The following MELK variants were observed in gnomAD, a reference collection of about 807,000 sequenced individuals.
MELK encodes maternal embryonic leucine zipper kinase, also known as pEg3 kinase.
A neutral mutation model predicts 85.0 loss-of-function variants in MELK; 81 were observed. That is an observed-to-expected ratio of 0.95 (90% confidence interval 0.80 to 1.15). The LOEUF (loss-of-function observed/expected upper bound fraction) is 1.15. Ranked by LOEUF, MELK falls within the 50% of genes most tolerant of loss-of-function variation. The pLI is 0.00. For missense variants in MELK, 754 were observed against 777.5 expected (o/e 0.97, Z 0.36); for synonymous variants, 252 against 265.0 (o/e 0.95, Z 0.48).
chr9:36,631,663 C>G (rs1395970497), intron 9 of MELK, among the ~76,000 whole-genome samples: 1 of 152,006 alleles, frequency 6.6e-6, no homozygotes, highest in East Asian at 1.9e-4. Flanking sequence ...ACAGCCTTGA[C>G]CCCCAGGCTC....
Position 36,607,647 on chromosome 9 carries a change from G to A in MELK, c.640G>A (p.Val214Ile). ...CGFLPFDDDN[V>I]MALYKKIMRG... ...ATTTCTACCATTTGATGATGATAAT[G>A]TAATGGCTTTATACAAGAAGATTAT... The change falls in exon 8 of 18, where the codon GTA becomes ATA. Residue 214 changes from valine to isoleucine, a missense_variant. By Grantham distance (29) the Val-to-Ile change is conservative (BLOSUM62 3). Coordinates refer to ENST00000298048, the MANE Select transcript of MELK (RefSeq NM_014791.4). The A allele has an allele frequency of 6.2e-7, 1 of 1,608,184 alleles. No individual in the cohort carries two copies. The highest frequency in any genetic ancestry group is 8.5e-7 in the Non-Finnish European group (1 of 1,174,668).
At chr9:36,616,045 CTCCAGCCGCTGCTTCCCGGGCGGCGCTCG>C (rs1826731894) in intron 8 of MELK, among the ~76,000 whole-genome samples, 1 of 152,160 alleles carries the variant, frequency 6.6e-6, no homozygotes, top group Non-Finnish European at 1.5e-5. Flanking sequence ...CCGTCCGCTC[CTCCAGCCGCTGCTTCCCGGGCGGCGCTCG>C]CCGGCGCGGT....
chr9:36,660,409 C>G (rs976527599), intron 13 of MELK, among the ~76,000 whole-genome samples: 2 of 152,072 alleles, frequency 1.3e-5, no homozygotes, highest in Admixed American at 1.3e-4. Flanking sequence ...CCTCGACCTC[C>G]TGGGCTTAAG....
chr9:36,666,049 A>G (rs761536229), intron 14 of MELK, among the ~76,000 whole-genome samples: 10 of 152,246 alleles, frequency 6.6e-5, no homozygotes, highest in Admixed American at 1.3e-4. Context: ...GTTCTGCCCT[A>G]TGGTATTACT....
At chr9:36,612,799 G>GGGGAGT (rs1330989884) in intron 8 of MELK, among the ~76,000 whole-genome samples, 5 of 152,142 alleles carry the variant, frequency 3.3e-5, no homozygotes, top group African/African-American at 9.7e-5. Context: ...AAGTTACATT[G>GGGGAGT]GGGAGTATTC....
intron 13 of MELK, among the ~76,000 whole-genome samples, chr9:36,663,713 T>C (rs1245618982): frequency 6.6e-6 from 1 of 152,242 alleles, no homozygotes; most frequent in Non-Finnish European, 1.5e-5. Context: ...GATTTCATTC[T>C]TTTTTATGGT....
intron 11 of MELK, among the ~76,000 whole-genome samples, chr9:36,648,126 T>G (rs1319530276): frequency 6.6e-6 from 1 of 152,042 alleles, no homozygotes; most frequent in Non-Finnish European, 1.5e-5. Flanking sequence ...TTAAACATAG[T>G]GGATTGAACA....
intron 8 of MELK, among the ~76,000 whole-genome samples, chr9:36,626,561 T>C (rs947030370): frequency 3.9e-5 from 6 of 152,192 alleles, no homozygotes; most frequent in Non-Finnish European, 7.3e-5. Flanking sequence ...AATTTTGAGT[T>C]GGTCTGGTGA....
chr9:36,614,954 A>G (rs918732731), intron 8 of MELK, among the ~76,000 whole-genome samples: 75 of 147,236 alleles, frequency 5.1e-4, no homozygotes, highest in Non-Finnish European at 9.4e-4. Context: ...GCTGTTGGGC[A>G]CACCTCCCAG....
intron 11 of MELK, among the ~76,000 whole-genome samples, chr9:36,648,515 T>C (rs1830420948): frequency 6.6e-6 from 1 of 151,784 alleles, no homozygotes; most frequent in Non-Finnish European, 1.5e-5. Flanking sequence ...CACAAGGCAT[T>C]CTTGTACCAA....
chr9:36,670,305 A>G (rs10973020), intron 15 of MELK, among the ~76,000 whole-genome samples: 5,958 of 152,270 alleles, frequency 0.039, 324 homozygotes, highest in African/African-American at 0.11. Context: ...AGTGCTTGAA[A>G]TACTTAACTA....
At chr9:36,616,681 G>A (rs1052679114) in intron 8 of MELK, among the ~76,000 whole-genome samples, 2 of 152,006 alleles carry the variant, frequency 1.3e-5, no homozygotes, top group Non-Finnish European at 2.9e-5. Flanking sequence ...GAGCCACCGC[G>A]CCTGGCCATA....
intron 13 of MELK, among the ~76,000 whole-genome samples, chr9:36,660,125 G>C (rs1383318529): frequency 1.3e-5 from 2 of 151,924 alleles, no homozygotes; most frequent in Non-Finnish European, 2.9e-5. Context: ...CTGAGCAAAT[G>C]CACAGCCCTG....
intron 17 of MELK, among the ~76,000 whole-genome samples, 157 bp downstream of exon 17, chr9:36,675,094 T>C (rs1435742976): frequency 1.3e-5 from 2 of 152,216 alleles, no homozygotes; most frequent in Non-Finnish European, 2.9e-5. Context: ...AAGTTCAGCC[T>C]GGCCAACATG....
chr9:36,609,838 A>G (rs1342327272), intron 8 of MELK, among the ~76,000 whole-genome samples: 2 of 152,180 alleles, frequency 1.3e-5, no homozygotes, highest in Non-Finnish European at 2.9e-5. Context: ...CATAGAAAAG[A>G]TCTATGAAAC....
At position 36,591,811 on chromosome 9, in the gene MELK, C is replaced by T. The variant is rs561502179; in HGVS notation, c.261+2159C>T. On this transcript the variant is annotated intron_variant, in intron 4 of 17. Transcript: ENST00000298048. ...AAAGGCTGGGTATGGTGGTGCACAC[C>T]TGTAGTCCCAGCTACTTGGGAGGCT... is the stretch of plus-strand genomic sequence containing the variant. Among the ~76,000 whole-genome samples, 3 of 151,844 alleles carry T rather than the reference C, an allele frequency of 2.0e-5. No homozygotes were observed. In the East Asian group the frequency reaches 5.8e-4, roughly 30 times the overall value.
At chr9:36,608,277 CAAAAAAAAAAAA>C (rs1161984583) in intron 8 of MELK, among the ~76,000 whole-genome samples, 1 of 38,916 alleles carries the variant, frequency 2.6e-5, no homozygotes, top group Admixed American at 3.8e-4. Context: ...GACTCTGTCT[CAAAAAAAAAAAA>C]AAAAAAAAAA....
At chr9:36,594,100 A>C (rs1456578445) in intron 4 of MELK, among the ~76,000 whole-genome samples, 1 of 152,234 alleles carries the variant, frequency 6.6e-6, no homozygotes, top group African/African-American at 2.4e-5. Context: ...CAGCTCACAG[A>C]AAAGTGGAGA....
At chr9:36,597,107 G>T (rs553653990) in intron 5 of MELK, 115 bp from the exon 6 acceptor site, 38 of 780,460 alleles carry the variant, frequency 4.9e-5, no homozygotes, top group Non-Finnish European at 8.1e-5. Flanking sequence ...AGAGTGCTGG[G>T]ATTACAGGCA....
Sources: allele counts gnomAD v4.1 joint callset (sites outside exome capture counted in the v4.1 genomes callset), GRCh38; gene constraint gnomAD v4.1.1; transcripts MANE v1.5; gene names NCBI Gene and HGNC (gene_info 2026-07-23, HGNC 2026-07-21).